The following NPSR1 variants were observed in gnomAD, a reference collection of about 807,000 sequenced individuals.
The protein encoded by NPSR1 is neuropeptide S receptor.
In NPSR1, 48 loss-of-function variants were observed where a neutral mutation model predicts 46.9. The ratio of observed to expected loss-of-function variants is 1.02; its 90% confidence interval spans 0.81 to 1.30. The LOEUF (loss-of-function observed/expected upper bound fraction) is 1.30. Among genes scored for constraint, NPSR1 ranks in the 50% most tolerant of loss-of-function variants. The pLI is 0.00. For missense variants in NPSR1, 450 were observed against 449.5 expected (o/e 1.00, Z -0.01); for synonymous variants, 176 against 168.1 (o/e 1.05, Z -0.36).
chr7:34,784,670 G>T (rs1001110886), intron 3 of NPSR1, among the ~76,000 whole-genome samples: 49 of 152,162 alleles, frequency 3.2e-4, no homozygotes, highest in African/African-American at 1.1e-3. Flanking sequence ...TCTCTGCCAG[G>T]CTTTGGTATC....
At chr7:34,806,873 T>G (rs931969028) in intron 3 of NPSR1, among the ~76,000 whole-genome samples, 2 of 152,140 alleles carry the variant, frequency 1.3e-5, no homozygotes, top group South Asian at 4.1e-4. Flanking sequence ...CAATCTGGCA[T>G]TTTGCTAAGT....
At chr7:34,680,763 C>T (rs1792588425) in intron 1 of NPSR1, among the ~76,000 whole-genome samples, 1 of 151,972 alleles carries the variant, frequency 6.6e-6, no homozygotes, top group Non-Finnish European at 1.5e-5. Context: ...ACAAAAGAAA[C>T]ACATAGCATA....
chr7:34,662,677 T>G (rs1421060354), intron 1 of NPSR1, among the ~76,000 whole-genome samples: 1 of 152,190 alleles, frequency 6.6e-6, no homozygotes, highest in South Asian at 2.1e-4. Flanking sequence ...TTTGCTCGGT[T>G]AAATCATTAT....
intron 8 of NPSR1, among the ~76,000 whole-genome samples, chr7:34,865,130 T>G (rs1791282216): frequency 1.3e-5 from 2 of 151,874 alleles, no homozygotes; most frequent in South Asian, 4.1e-4. Flanking sequence ...GGAAGAACAC[T>G]AGGTCTCAGC....
intron 1 of NPSR1, among the ~76,000 whole-genome samples, chr7:34,678,988 G>A (rs1005167939): frequency 6.6e-6 from 1 of 152,060 alleles, no homozygotes; most frequent in African/African-American, 2.4e-5. Flanking sequence ...TGGGGTTGGG[G>A]AAATAAAATA....
chr7:34,731,198 A>C (rs1212501240), intron 2 of NPSR1, among the ~76,000 whole-genome samples: 2 of 152,158 alleles, frequency 1.3e-5, no homozygotes, highest in Non-Finnish European at 2.9e-5. Flanking sequence ...GCTGATCAAG[A>C]GTTAATATAC....
At chr7:34,840,982 G>A (rs1022263901) in intron 6 of NPSR1, among the ~76,000 whole-genome samples, 1 of 152,072 alleles carries the variant, frequency 6.6e-6, no homozygotes, top group Non-Finnish European at 1.5e-5. Context: ...GAGTTCAGGG[G>A]GTATTCAAGC....
At chr7:34,765,652 A>G (rs939948820) in intron 2 of NPSR1, among the ~76,000 whole-genome samples, 1 of 152,222 alleles carries the variant, frequency 6.6e-6, no homozygotes, top group Non-Finnish European at 1.5e-5. Flanking sequence ...TATTCACAAT[A>G]CCAAAGACAT....
intron 4 of NPSR1, among the ~76,000 whole-genome samples, chr7:34,825,520 T>G (rs970946146): frequency 2.6e-5 from 4 of 152,176 alleles, no homozygotes; most frequent in Admixed American, 6.5e-5. Context: ...GGGGCTGATG[T>G]AAAACCTGCA....
intron 2 of NPSR1, among the ~76,000 whole-genome samples, chr7:34,734,386 T>C (rs1256548739): frequency 1.3e-5 from 2 of 152,140 alleles, no homozygotes; most frequent in Admixed American, 6.5e-5. Context: ...AGAAAACAGA[T>C]GATGACTGAT....
intron 2 of NPSR1, among the ~76,000 whole-genome samples, chr7:34,763,435 T>C (rs1302102785): frequency 6.6e-6 from 1 of 152,132 alleles, no homozygotes; most frequent in Non-Finnish European, 1.5e-5. Context: ...AATATCACAG[T>C]TTTAGGGCCT....
chr7:34,671,278 A>C (rs377590814), intron 1 of NPSR1, among the ~76,000 whole-genome samples: 1 of 152,318 alleles, frequency 6.6e-6, no homozygotes, highest in East Asian at 1.9e-4. Flanking sequence ...ATTCTCTCTG[A>C]AAGTTACTTT....
intron 2 of NPSR1, among the ~76,000 whole-genome samples, chr7:34,690,907 T>A (rs1793218031): frequency 6.6e-6 from 1 of 151,954 alleles, no homozygotes. Flanking sequence ...GAGAAGAACA[T>A]CACCAAGACG....
intron 3 of NPSR1, among the ~76,000 whole-genome samples, chr7:34,782,776 G>A (rs1787287886): frequency 6.6e-6 from 1 of 152,028 alleles, no homozygotes; most frequent in Non-Finnish European, 1.5e-5. Context: ...TAATTTTACA[G>A]TAACTGGCCC....
chr7:34,768,926 C>T (rs1786551763), intron 2 of NPSR1, among the ~76,000 whole-genome samples: 1 of 152,188 alleles, frequency 6.6e-6, no homozygotes, highest in East Asian at 1.9e-4. Context: ...TTATGGGTTC[C>T]TGGCTTGGGT....
chr7:34,809,654 G>A (rs1175710137), intron 3 of NPSR1, among the ~76,000 whole-genome samples: 1 of 151,864 alleles, frequency 6.6e-6, no homozygotes, highest in African/African-American at 2.4e-5. Flanking sequence ...TAGTAGAGAC[G>A]GGGTTTCACC....
At chr7:34,662,268 C>T (rs1446758761) in intron 1 of NPSR1, among the ~76,000 whole-genome samples, 1 of 152,126 alleles carries the variant, frequency 6.6e-6, no homozygotes, top group Non-Finnish European at 1.5e-5. Context: ...TAAATGGTTG[C>T]TTCTAAGTGC....
At chr7:34,727,486 T>C (rs1055258677) in intron 2 of NPSR1, among the ~76,000 whole-genome samples, 3 of 152,198 alleles carry the variant, frequency 2.0e-5, no homozygotes, top group African/African-American at 7.2e-5. Flanking sequence ...ATCAGGACAA[T>C]GATGTATGTA....
At chr7:34,826,425 C>T (rs544900049) in intron 4 of NPSR1, among the ~76,000 whole-genome samples, 2 of 152,276 alleles carry the variant, frequency 1.3e-5, no homozygotes, top group South Asian at 2.1e-4. Flanking sequence ...AACAACACCA[C>T]CTGACTCTAC....
Sources: allele counts gnomAD v4.1 joint callset (sites outside exome capture counted in the v4.1 genomes callset), GRCh38; gene constraint gnomAD v4.1.1; transcripts MANE v1.5; gene names NCBI Gene and HGNC (gene_info 2026-07-23, HGNC 2026-07-21).